The following STPG2 variants were observed in gnomAD, a reference collection of about 807,000 sequenced individuals.
The protein encoded by STPG2 is sperm tail PG-rich repeat containing 2.
Under a neutral mutation model 54.2 loss-of-function variants are expected in STPG2, and 56 were observed. That is an observed-to-expected ratio of 1.03 (90% confidence interval 0.83 to 1.29). STPG2 has a LOEUF of 1.29. Among genes scored for constraint, STPG2 ranks in the 50% most tolerant of loss-of-function variants. The pLI, the probability that STPG2 is intolerant of heterozygous loss-of-function variation, is 0.00. For synonymous variants in STPG2, 200 were observed against 181.8 expected (o/e 1.10, Z -0.81); for missense variants, 596 against 544.9 (o/e 1.09, Z -0.93).
At chr4:97,860,878 C>A (rs913499239) in intron 8 of STPG2, among the ~76,000 whole-genome samples, 35 of 152,120 alleles carry the variant, frequency 2.3e-4, no homozygotes, top group Admixed American at 2.3e-3. Flanking sequence ...ATGCTTTCAG[C>A]TTTTCCCCAT....
chr4:97,495,446 T>C (rs962131948), intron 4 of STPG2, among the ~76,000 whole-genome samples: 4 of 151,382 alleles, frequency 2.6e-5, no homozygotes, highest in African/African-American at 9.7e-5. Context: ...ATAGTATTCG[T>C]TTTTATGTGA....
intron 8 of STPG2, among the ~76,000 whole-genome samples, chr4:97,849,655 A>G (rs1416202134): frequency 6.6e-6 from 1 of 152,196 alleles, no homozygotes; most frequent in Non-Finnish European, 1.5e-5. Context: ...ATGCAGCCAA[A>G]AAACACATGA....
chr4:97,563,094 C>T (rs1047929248), intron 10 of STPG2, among the ~76,000 whole-genome samples: 1 of 152,132 alleles, frequency 6.6e-6, no homozygotes, highest in Non-Finnish European at 1.5e-5. Context: ...GTTTGGTAAA[C>T]TATTGATTAT....
intron 10 of STPG2, among the ~76,000 whole-genome samples, chr4:97,654,807 A>C (rs997063036): frequency 2.8e-5 from 4 of 143,064 alleles, no homozygotes; most frequent in African/African-American, 1.2e-4. Flanking sequence ...ATAGTAAAAA[A>C]AATCATAAAT....
chr4:98,051,344 T>A (rs783929), intron 5 of STPG2, among the ~76,000 whole-genome samples: 69,314 of 152,054 alleles, frequency 0.46, 16,145 homozygotes, highest in Admixed American at 0.56. Context: ...TGAAGGTTTT[T>A]ATGGTTTGAA....
intron 8 of STPG2, among the ~76,000 whole-genome samples, chr4:97,927,143 T>C (rs1732360545): frequency 6.6e-6 from 1 of 152,158 alleles, no homozygotes. Context: ...ACACAAAATA[T>C]TTAACAACTC....
intron 9 of STPG2, among the ~76,000 whole-genome samples, chr4:97,759,931 T>G (rs1383871031): frequency 6.6e-6 from 1 of 152,156 alleles, no homozygotes; most frequent in African/African-American, 2.4e-5. Context: ...TTCTTAAAAT[T>G]AACATAAGTT....
chr4:97,673,346 G>A (rs1292074583), intron 10 of STPG2, among the ~76,000 whole-genome samples: 1 of 152,086 alleles, frequency 6.6e-6, no homozygotes, highest in Admixed American at 6.6e-5. Flanking sequence ...ACAGCCATTA[G>A]AACTTTAAAA....
At chr4:97,776,520 G>A (rs888808597) in intron 9 of STPG2, among the ~76,000 whole-genome samples, 2 of 152,100 alleles carry the variant, frequency 1.3e-5, no homozygotes, top group Non-Finnish European at 2.9e-5. Flanking sequence ...GAACTATAAA[G>A]AGGCTATTCT....
chr4:97,905,179 G>C (rs1051101223), intron 8 of STPG2, among the ~76,000 whole-genome samples: 1 of 151,366 alleles, frequency 6.6e-6, no homozygotes, highest in Non-Finnish European at 1.5e-5. Flanking sequence ...TTGAAATGAA[G>C]GAAAAAATGT....
chr4:97,537,265 C>A (rs1731557332), intron 4 of STPG2, among the ~76,000 whole-genome samples: 1 of 152,172 alleles, frequency 6.6e-6, no homozygotes, highest in Admixed American at 6.5e-5. Flanking sequence ...ACCCGGGAAG[C>A]ACAAGGGGTC....
chr4:97,670,061 G>GT (rs1400929508), intron 10 of STPG2, among the ~76,000 whole-genome samples: 8 of 151,736 alleles, frequency 5.3e-5, no homozygotes, highest in African/African-American at 1.9e-4. Context: ...TAAAAAAATT[G>GT]TAAGTATAAT....
At position 97,944,305 on chromosome 4, in the gene STPG2, C is replaced by T. The variant is rs73832112; in HGVS notation, c.934-298G>A. Among the ~76,000 whole-genome samples, 958 of 151,716 alleles carry T rather than the reference C, an allele frequency of 6.3e-3. 10 individuals are homozygous for T. Among genetic ancestry groups the T allele is most frequent in the African/African-American group, 0.022 (897 of 41,434 alleles). On this transcript the variant is annotated intron_variant, in intron 7 of 10. Coordinates refer to ENST00000295268, the MANE Select transcript of STPG2 (RefSeq NM_174952.3). ...ATTTCATAACCAGCAAGTTCTGTCTCAATAATATATTAGTATAAGATACTT... is the reference window on the plus strand; with the variant it reads ...ATTTCATAACCAGCAAGTTCTGTCTTAATAATATATTAGTATAAGATACTT...
At chr4:97,891,809 A>G (rs1730782226) in intron 8 of STPG2, among the ~76,000 whole-genome samples, 1 of 152,180 alleles carries the variant, frequency 6.6e-6, no homozygotes. Context: ...AAATTTAACT[A>G]TAATACAGCA....
At chr4:98,067,097 C>T (rs1405202964) in intron 5 of STPG2, among the ~76,000 whole-genome samples, 1 of 152,130 alleles carries the variant, frequency 6.6e-6, no homozygotes, top group African/African-American at 2.4e-5. Context: ...GAAAATGTTT[C>T]CTTCTCACCC....
intron 8 of STPG2, among the ~76,000 whole-genome samples, chr4:97,889,470 T>A (rs1232626854): frequency 6.6e-6 from 1 of 152,142 alleles, no homozygotes; most frequent in Non-Finnish European, 1.5e-5. Context: ...ATATACATAA[T>A]GGAAAACTAT....
intron 4 of STPG2, among the ~76,000 whole-genome samples, chr4:97,461,113 C>A (rs949958789): frequency 4.6e-5 from 7 of 152,152 alleles, no homozygotes; most frequent in Admixed American, 1.3e-4. Flanking sequence ...ATACACATTC[C>A]ATTTCATTAT....
chr4:97,928,967 A>G (rs767345079), intron 8 of STPG2, among the ~76,000 whole-genome samples: 35 of 152,178 alleles, frequency 2.3e-4, no homozygotes, highest in Non-Finnish European at 1.2e-4. Context: ...TGCTGTACAG[A>G]TATTTCACAA....
intron 4 of STPG2, among the ~76,000 whole-genome samples, chr4:97,468,818 G>A (rs1251384512): frequency 2.0e-5 from 3 of 151,940 alleles, no homozygotes; most frequent in African/African-American, 4.8e-5. Flanking sequence ...CCTATGCAGT[G>A]GAATGGGAGA....
Sources: allele counts gnomAD v4.1 joint callset (sites outside exome capture counted in the v4.1 genomes callset), GRCh38; gene constraint gnomAD v4.1.1; transcripts MANE v1.5; gene names NCBI Gene and HGNC (gene_info 2026-07-23, HGNC 2026-07-21).